CEP290: variants seen among roughly 807,000 people sequenced by gnomAD.
The protein encoded by CEP290 is centrosomal protein of 290 kDa.
A neutral mutation model predicts 344.9 loss-of-function variants in CEP290; 317 were observed. That is an observed-to-expected ratio of 0.92 (90% CI 0.84 to 1.01). The LOEUF is 1.01. Ranked by LOEUF, CEP290 falls within the 50% of genes least tolerant of loss-of-function variation. The pLI is 0.00. For missense variants in CEP290, 2,754 were observed against 2,761.4 expected, an observed-to-expected ratio of 1.00 and a Z score of 0.06; for synonymous variants, 932 against 895.8, an observed-to-expected ratio of 1.04 and a Z score of -0.72.
intron 20 of CEP290, among the ~76,000 whole-genome samples, chr12:88,113,183 G>A (rs2038815711): frequency 6.6e-6 from 1 of 152,106 alleles, no homozygotes; most frequent in African/African-American, 2.4e-5. Flanking sequence ...AACATAAATA[G>A]AAGTTAGGAT....
chr12:88,089,094 A>T lies in CEP290; in HGVS notation c.3967T>A (p.Leu1323Ile). Residue 1323 changes from leucine to isoleucine, a missense_variant, in exon 31 of 54, where the codon TTA becomes ATA. Physicochemically the swap from Leu to Ile is conservative, Grantham distance 5. Transcript: ENST00000552810. ...AACTCTTCCAGGCCCTTTAATTTTA[A>T]TTCCATCTCCAATGTTTTGTTCTCC... ...NMENKTLEME[L>I]KLKGLEELIS... 1 of 1,545,938 alleles carries T rather than the reference A, an allele frequency of 6.5e-7. No homozygotes were observed. Among genetic ancestry groups the T allele is most frequent in the Middle Eastern group, 1.8e-4 (1 of 5,660 alleles).
chr12:88,074,521 G>C (rs1348034348), intron 41 of CEP290, among the ~76,000 whole-genome samples: 1 of 152,126 alleles, frequency 6.6e-6, no homozygotes, highest in African/African-American at 2.4e-5. Context: ...ATTACATATA[G>C]GCTTTTTTCC....
rs45502896 is a variant in CEP290 at position 88,129,717 on chromosome 12, C to T, written c.829G>A (p.Glu277Lys). ...ACTTGAAGTTGATAATGATCGTTTTCTTTTTTTAACTGATCTATTACATTA... is the reference window on the plus strand; with the variant it reads ...ACTTGAAGTTGATAATGATCGTTTTTTTTTTTTAACTGATCTATTACATTA... ...TDNVIDQLKKENDHYQLQVQE... is the reference protein window; with the variant it reads ...TDNVIDQLKKKNDHYQLQVQE... The change falls in exon 10 of 54, where the codon GAA (glutamate) becomes AAA (lysine). Residue 277 changes from glutamate to lysine, a missense_variant. Glu to Lys is a moderately conservative substitution (Grantham distance 56). Transcript: ENST00000552810. 2 of 1,449,252 alleles carry T rather than the reference C, an allele frequency of 1.4e-6. No homozygotes were observed. Among genetic ancestry groups the T allele is most frequent in the Non-Finnish European group, 1.9e-6 (2 of 1,079,326 alleles). The allele number at this position is 1,449,252 out of a possible 1,614,324, so 89.8% of individuals were successfully genotyped here. A position where few individuals can be genotyped will look rare whatever the true frequency, so the allele number is the denominator to read the frequency against.
At chr12:88,115,363 G>T in intron 18 of CEP290, 181 bp from the exon 19 acceptor site, 3 of 697,568 alleles carry the variant, frequency 4.3e-6, no homozygotes, top group South Asian at 1.8e-5. Context: ...AGCAGATGGT[G>T]ATCTTAATCC....
chr12:88,131,797 G>C (rs1057309311), intron 6 of CEP290, among the ~76,000 whole-genome samples: 1 of 152,002 alleles, frequency 6.6e-6, no homozygotes, highest in Non-Finnish European at 1.5e-5. Flanking sequence ...AAATTAATCT[G>C]CTCCTCCAAA....
rs746872429 is a variant in CEP290, at chr12:88,083,242, G to T, written c.4813-12C>A. Reference sequence around the variant, plus strand: ...TGTTTCATTAAATCCTATAAAATATGAATATATTAGCAATAGGCATGTATA... The same window carrying T: ...TGTTTCATTAAATCCTATAAAATATTAATATATTAGCAATAGGCATGTATA... On this transcript the variant is annotated splice_polypyrimidine_tract_variant and intron_variant, in intron 36 of 53. Coordinates refer to ENST00000552810, the MANE Select transcript of CEP290 (RefSeq NM_025114.4). The T allele has an allele frequency of 1.4e-6, 2 of 1,392,276 alleles. No individual in the cohort carries two copies. The highest frequency in any genetic ancestry group is 1.9e-6 in the Non-Finnish European group (2 of 1,057,290). 86.2% of individuals were successfully genotyped at this position (1,392,276 alleles called of 1,614,324 possible). A position where few individuals can be genotyped will look rare whatever the true frequency, so the allele number is the denominator to read the frequency against.
chr12:88,101,954 TA>T (rs1442260375), intron 26 of CEP290, among the ~76,000 whole-genome samples: 1 of 152,228 alleles, frequency 6.6e-6, no homozygotes, highest in African/African-American at 2.4e-5. Context: ...ACTCATAATT[TA>T]GTAGGAATCC....
rs562477272 is a variant in CEP290, at chr12:88,071,420, C to T, written c.5885G>A (p.Arg1962Lys). 3.8e-5 allele frequency: 61 copies of T among 1,610,248 alleles called. No homozygotes were observed. The East Asian group carries it at 8.3e-4, about 22-fold the overall frequency. ...AGTCATGCCAGTTGTTTTTAGTTTC[C>T]TCTGCAAAGTAAGTTTCTCTTTATC... is the stretch of plus-strand genomic sequence containing the variant. ...KADKEKLTLQ[R>K]KLKTTGMTVD... Residue 1962 changes from arginine (R) to lysine (K), a missense_variant, in exon 43 of 54, where the codon AGG (arginine) becomes AAG (lysine). Coordinates refer to ENST00000552810, the MANE Select transcript of CEP290 (RefSeq NM_025114.4).
At chr12:88,078,245 T>G (rs2035931927) in intron 39 of CEP290, among the ~76,000 whole-genome samples, 1 of 152,020 alleles carries the variant, frequency 6.6e-6, no homozygotes, top group Admixed American at 6.6e-5. Context: ...TAACAATATA[T>G]ATGACAACGT....
intron 15 of CEP290, among the ~76,000 whole-genome samples, chr12:88,119,854 T>C (rs1203545451): frequency 6.6e-6 from 1 of 152,162 alleles, no homozygotes; most frequent in Non-Finnish European, 1.5e-5. Context: ...TTTCATCTTT[T>C]TAAACAAGCA....
intron 37 of CEP290, among the ~76,000 whole-genome samples, chr12:88,082,442 C>T (rs1035291352): frequency 1.3e-5 from 2 of 152,158 alleles, no homozygotes; most frequent in Admixed American, 6.5e-5. Flanking sequence ...CCTGTAATCC[C>T]AGCACTTTGG....
chr12:88,120,328 T>C, intron 14 of CEP290, 52 bp from the exon 15 acceptor site: 1 of 946,404 alleles, frequency 1.1e-6, no homozygotes, highest in African/African-American at 1.7e-5. Flanking sequence ...CTTGAATAAA[T>C]TTATCAAGTT....
At chr12:88,124,626 C>A (rs112382867) in intron 13 of CEP290, among the ~76,000 whole-genome samples, 1 of 151,780 alleles carries the variant, frequency 6.6e-6, no homozygotes. Context: ...TGATTCCATG[C>A]GCGTGTGTAT....
intron 5 of CEP290, 71 bp from the exon 6 acceptor site, chr12:88,136,857 C>G: frequency 7.6e-7 from 1 of 1,318,966 alleles, no homozygotes; most frequent in East Asian, 2.4e-5. Context: ...CAACAACAAG[C>G]AAATAATTAT....
intron 31 of CEP290, 56 bp downstream of exon 31, chr12:88,088,976 G>A (rs2036804405): frequency 1.6e-6 from 2 of 1,288,918 alleles, no homozygotes; most frequent in East Asian, 2.4e-5. Flanking sequence ...ACTCCAGCCT[G>A]GGAAACAGAT....
chr12:88,139,892 C>T lies in CEP290; in HGVS notation c.181-328G>A, dbSNP rs578185099. ...TACAGGTGCATGCCATCATGCTTGG[C>T]GTGCCATCATGCTTGGTGTGCCATC... On this transcript the variant is annotated intron_variant, in intron 3 of 53. Coordinates refer to ENST00000552810, the MANE Select transcript of CEP290 (RefSeq NM_025114.4). 2.0e-4 allele frequency among the ~76,000 whole-genome samples: 30 copies of T among 152,020 alleles called. No homozygotes were observed. The South Asian group carries it at 2.7e-3, about 14-fold the overall frequency.
Position 88,079,242 on chromosome 12 carries a change from C to CAA in CEP290, c.5227-15_5227-14dup. Reference sequence around the variant, plus strand: ...CCCGACTAAGTGCCTAAAAATTAACCAAAAAAAAAATGTAATTTTTAAAGG... The same window carrying CAA: ...CCCGACTAAGTGCCTAAAAATTAACCAAAAAAAAAAAATGTAATTTTTAAAGG... On this transcript the variant is annotated splice_polypyrimidine_tract_variant and intron_variant, in intron 38 of 53. Transcript: ENST00000552810. The CAA allele has an allele frequency of 8.0e-6, 10 of 1,248,140 alleles. No homozygotes were observed. The highest frequency in any genetic ancestry group is 3.1e-5 in the South Asian group (2 of 64,176). The allele number at this position is 1,248,140 out of a possible 1,614,324, so 77.3% of individuals were successfully genotyped here.
intron 4 of CEP290, 36 bp downstream of exon 4, chr12:88,139,455 ATTAT>A (rs1027018331): frequency 6.9e-7 from 1 of 1,441,924 alleles, no homozygotes. Flanking sequence ...AATGGAATTC[ATTAT>A]TTAATACCAT....
intron 41 of CEP290, among the ~76,000 whole-genome samples, chr12:88,073,109 T>C (rs1483417232): frequency 2.0e-5 from 3 of 152,202 alleles, no homozygotes; most frequent in Admixed American, 1.3e-4. Flanking sequence ...AAATTCTGCT[T>C]ACACTGGTCT....
Sources: allele counts gnomAD v4.1 joint callset (sites outside exome capture counted in the v4.1 genomes callset), GRCh38; gene constraint gnomAD v4.1.1; transcripts MANE v1.5; gene names NCBI Gene and HGNC (gene_info 2026-07-23, HGNC 2026-07-21).